Variants in OPHN1 observed in about 807,000 individuals in gnomAD.
The protein encoded by OPHN1 is oligophrenin 1.
OPHN1 carries 11 observed loss-of-function variants against 60.7 expected under a neutral mutation model. That is an observed-to-expected ratio of 0.18 (90% CI 0.11 to 0.30). The LOEUF (loss-of-function observed/expected upper bound fraction) is 0.30, where lower values mean the gene tolerates loss of function less well. OPHN1 is among the 10% of genes least tolerant of loss of function. OPHN1 has a pLI of 1.00. For missense variants in OPHN1, 449 were observed against 611.0 expected, an observed-to-expected ratio of 0.73 and a Z score of 2.80; for synonymous variants, 226 against 222.6, an observed-to-expected ratio of 1.02 and a Z score of -0.14.
At chrX:68,098,144 T>C (rs1446021756) in intron 18 of OPHN1, among the ~76,000 whole-genome samples, 1 of 110,882 alleles carries the variant, frequency 9.0e-6, no homozygotes, top group East Asian at 2.8e-4. Flanking sequence ...CTATCTATCC[T>C]TGGAGATGCA....
Position 68,241,877 on chromosome X carries a change from C to T in OPHN1, c.385-7289G>A, listed in dbSNP as rs184776745. Among the ~76,000 whole-genome samples, 686 of 110,836 alleles carry T rather than the reference C, an allele frequency of 6.2e-3. 7 individuals are homozygous for T. Among genetic ancestry groups the T allele is most frequent in the African/African-American group, 0.021 (646 of 30,498 alleles). On this transcript the variant is annotated intron_variant, in intron 5 of 24. Transcript: ENST00000355520. ...CGGAGGTTGCAGTGAGCCGAGATCG[C>T]GTCATTGCACTCCAGTCTGGGCAAC...
chrX:68,152,055 C>T (rs1423099143), intron 15 of OPHN1, among the ~76,000 whole-genome samples: 3 of 110,976 alleles, frequency 2.7e-5, no homozygotes. Context: ...TACTCACTCA[C>T]TATCACAAGA....
intron 5 of OPHN1, among the ~76,000 whole-genome samples, chrX:68,247,385 C>T (rs1035748744): frequency 9.0e-6 from 1 of 111,718 alleles, no homozygotes; most frequent in Non-Finnish European, 1.9e-5. Context: ...TATTCCATCA[C>T]ATAGATTTCT....
At chrX:68,314,248 A>T (rs1037376888) in intron 2 of OPHN1, among the ~76,000 whole-genome samples, 6 of 112,375 alleles carry the variant, frequency 5.3e-5, no homozygotes, top group African/African-American at 1.9e-4. Context: ...CGGGCCAGGC[A>T]CAGTGGCTCA....
At chrX:68,284,963 T>C (rs2078034583) in intron 3 of OPHN1, among the ~76,000 whole-genome samples, 1 of 112,402 alleles carries the variant, frequency 8.9e-6, no homozygotes, top group African/African-American at 3.2e-5. Flanking sequence ...TAACTGGACC[T>C]CTGCGTTTTG....
intron 2 of OPHN1, among the ~76,000 whole-genome samples, chrX:68,417,280 A>C (rs1193471335): frequency 9.0e-6 from 1 of 111,167 alleles, no homozygotes; most frequent in Admixed American, 9.6e-5. Flanking sequence ...TTTAGTAGAT[A>C]CGGAGTTTTG....
chrX:68,192,887 C>T, intron 15 of OPHN1, 32 bp downstream of exon 15: 1 of 1,079,674 alleles, frequency 9.3e-7, no homozygotes. Context: ...ATAAAGTACT[C>T]CCAATAAGAA....
intron 20 of OPHN1, among the ~76,000 whole-genome samples, chrX:68,072,901 T>A (rs939535722): frequency 9.0e-6 from 1 of 111,694 alleles, no homozygotes; most frequent in Non-Finnish European, 1.9e-5. Flanking sequence ...ACACCTTGGA[T>A]CCTGCACTGG....
intron 13 of OPHN1, 113 bp from the exon 14 acceptor site, chrX:68,194,065 T>A (rs2077500657): frequency 3.3e-6 from 2 of 609,902 alleles, no homozygotes; most frequent in Admixed American, 2.6e-5. Context: ...TTTTAGTTGC[T>A]CATTTCTAGT....
In OPHN1 at chrX:68,111,950, T is replaced by A; in HGVS notation, c.1430A>T (p.Asn477Ile). Residue 477 changes from asparagine to isoleucine, a missense_variant, in exon 18 of 25, where the codon AAC becomes ATC. Physicochemically the swap from Asn to Ile is moderately radical, Grantham distance 149. Around this residue, in one of 4 missense-constraint regions of OPHN1, gnomAD observed 166 missense variants for 278.4 expected, o/e 0.60. Transcript: ENST00000355520. The part of the protein sequence containing the change: ...KELVSAAKSD[N>I]LDYRLGAIHS... Reference sequence around the variant, plus strand: ...AATAGCTCCTAGGCGGTAATCCAGGTTGTCAGACTCTGGGATAGAACAGTA... The same window carrying A: ...AATAGCTCCTAGGCGGTAATCCAGGATGTCAGACTCTGGGATAGAACAGTA... The A allele has an allele frequency of 8.4e-7, 1 of 1,191,209 alleles. No individual in the cohort carries two copies. Among genetic ancestry groups the A allele is most frequent in the Non-Finnish European group, 1.1e-6 (1 of 877,299 alleles).
chrX:68,395,961 A>G (rs184853684), intron 2 of OPHN1, among the ~76,000 whole-genome samples: 148 of 110,883 alleles, frequency 1.3e-3, no homozygotes, highest in African/African-American at 4.6e-3. Context: ...TCTGATTGTT[A>G]CTTGTTTATA....
chrX:68,043,731 A>G lies in OPHN1; in HGVS notation c.*3441T>C, dbSNP rs1441469113. 1 of 112,264 alleles carries G rather than the reference A, an allele frequency of 8.9e-6. No homozygotes were observed. The highest frequency in any genetic ancestry group is 9.4e-5 in the Admixed American group (1 of 10,593). The allele number at this position is 112,264 out of a possible 1,213,427, so 9.3% of individuals were successfully genotyped here. A position where few individuals can be genotyped will look rare whatever the true frequency, so the allele number is the denominator to read the frequency against. ...AACACCCCCAACCTTTTAAAAAACA[A>G]AAACTTCAAAAATAAAAATTCAATA... On this transcript the variant is annotated 3_prime_UTR_variant, in exon 25 of 25. Transcript: ENST00000355520.
Position 68,433,480 on chromosome X carries a change from A to C in OPHN1, c.-317T>G. On this transcript the variant is annotated 5_prime_UTR_variant, in exon 1 of 25. Transcript: ENST00000355520. ...TCTACAGGCTCCTCGCTCCGGAGCG[A>C]GCGGAAGACTTCCTTGGCCGAACTC... is the stretch of plus-strand genomic sequence containing the variant. 7.4e-6 allele frequency: 2 copies of C among 270,856 alleles called. No individual in the cohort carries two copies. The highest frequency in any genetic ancestry group is 5.3e-5 in the East Asian group (1 of 18,692). 22.3% of individuals were successfully genotyped at this position (270,856 alleles called of 1,213,427 possible).
At chrX:68,163,762 A>G (rs73526551) in intron 15 of OPHN1, among the ~76,000 whole-genome samples, 5,244 of 110,753 alleles carry the variant, frequency 0.047, 314 homozygotes, top group African/African-American at 0.16. Context: ...TCTTTTGTCT[A>G]TTTAATAACA....
At chrX:68,350,510 TCCTC>T (rs375596478) in intron 2 of OPHN1, among the ~76,000 whole-genome samples, 5 of 80,457 alleles carry the variant, frequency 6.2e-5, no homozygotes, top group African/African-American at 9.5e-5. Flanking sequence ...TTTCCTTCCT[TCCTC>T]CCTCCCTCCC....
At chrX:68,229,619 A>G (rs2077716833) in intron 6 of OPHN1, among the ~76,000 whole-genome samples, 2 of 111,591 alleles carry the variant, frequency 1.8e-5, no homozygotes. Flanking sequence ...CACATCTACA[A>G]CCATCTGATC....
chrX:68,317,579 A>AAGAAAG (rs1569278454), intron 2 of OPHN1, among the ~76,000 whole-genome samples: 2 of 87,963 alleles, frequency 2.3e-5, no homozygotes, highest in African/African-American at 9.4e-5. Context: ...AAGAAAGAGA[A>AAGAAAG]AGAAAGAAAG....
chrX:68,199,754 A>G (rs2077526915), intron 11 of OPHN1, among the ~76,000 whole-genome samples: 2 of 112,389 alleles, frequency 1.8e-5, no homozygotes, highest in Non-Finnish European at 3.8e-5. Flanking sequence ...ATAATAGACA[A>G]TATAAAAAAT....
chrX:68,334,257 T>G (rs962955900), intron 2 of OPHN1, among the ~76,000 whole-genome samples: 7 of 111,762 alleles, frequency 6.3e-5, no homozygotes, highest in South Asian at 3.8e-4. Flanking sequence ...TTTATTTCTG[T>G]AAAACCACTA....
Sources: gnomAD v4.1 joint callset for allele counts (sites outside exome capture counted in the v4.1 genomes callset) on GRCh38, gnomAD v4.1.1 for gene constraint, gnomAD v4.1.1 regional missense constraint, MANE v1.5 for transcripts, NCBI Gene and HGNC (gene_info 2026-07-23, HGNC 2026-07-21) for gene names.